Variants in PRKN observed in about 807,000 individuals in gnomAD.
PRKN encodes E3 ubiquitin-protein ligase parkin.
A neutral mutation model predicts 59.5 loss-of-function variants in PRKN; 56 were observed. That is an observed-to-expected ratio of 0.94 (90% CI 0.76 to 1.18). The LOEUF (loss-of-function observed/expected upper bound fraction) is 1.18. Ranked by LOEUF, PRKN falls within the 50% of genes most tolerant of loss-of-function variation. The pLI is 0.00. For missense variants in PRKN, 657 were observed against 596.4 expected, an observed-to-expected ratio of 1.10 and a Z score of -1.06; for synonymous variants, 250 against 222.1, an observed-to-expected ratio of 1.13 and a Z score of -1.12.
chr6:161,789,214 T>C lies in PRKN; in HGVS notation c.735-3306A>G, dbSNP rs545837699. Among the ~76,000 whole-genome samples, 6 of 152,316 alleles carry C rather than the reference T, an allele frequency of 3.9e-5. No homozygotes were observed. In the South Asian group the frequency reaches 8.3e-4, roughly 21 times the overall value. ...AAGGAAAGGAGTAAAAATCTTTTCA[T>C]GGCTAGAAGGTCTACATCATTAACT... On this transcript the variant is annotated intron_variant, in intron 6 of 11. Coordinates refer to ENST00000366898, the MANE Select transcript of PRKN (RefSeq NM_004562.3).
chr6:161,950,387 A>G (rs982421428), intron 6 of PRKN, among the ~76,000 whole-genome samples: 8 of 152,160 alleles, frequency 5.3e-5, no homozygotes, highest in Non-Finnish European at 7.3e-5. Context: ...TCTACAAAAA[A>G]TACAAAAATT....
Position 161,373,270 on chromosome 6 carries a change from C to T in PRKN, c.1168-13065G>A, listed in dbSNP as rs1222870009. Reference sequence around the variant, plus strand: ...GTCTACAAAAATACCTTCACAGCGACACCTTGACTACTGCTGGTTCCAACA... The same window carrying T: ...GTCTACAAAAATACCTTCACAGCGATACCTTGACTACTGCTGGTTCCAACA... On this transcript the variant is annotated intron_variant, in intron 10 of 11. Coordinates refer to ENST00000366898, the MANE Select transcript of PRKN (RefSeq NM_004562.3). This position sits in a 1 kb window ranked among gnomAD's most constrained non-coding sequence, Gnocchi z 4.8. Among the ~76,000 whole-genome samples the T allele has an allele frequency of 6.6e-6, 1 of 152,178 alleles. No homozygotes were observed. Among genetic ancestry groups the T allele is most frequent in the Non-Finnish European group, 1.5e-5 (1 of 68,040 alleles).
At chr6:162,348,421 T>A (rs1193645393) in intron 2 of PRKN, among the ~76,000 whole-genome samples, 33 of 152,058 alleles carry the variant, frequency 2.2e-4, no homozygotes, top group Admixed American at 2.1e-3. Flanking sequence ...ATATCTGATA[T>A]CCAGATATTG....
chr6:162,513,770 C>T (rs761832316), intron 1 of PRKN, among the ~76,000 whole-genome samples: 1 of 151,956 alleles, frequency 6.6e-6, no homozygotes, highest in African/African-American at 2.4e-5. Context: ...GAAAATTAAC[C>T]TCGCTGGGCA....
intron 9 of PRKN, among the ~76,000 whole-genome samples, chr6:161,520,879 A>C (rs1452775879): frequency 6.6e-6 from 1 of 152,234 alleles, no homozygotes; most frequent in Non-Finnish European, 1.5e-5. Flanking sequence ...TGTATCACAG[A>C]TGCTTACCTA....
intron 1 of PRKN, among the ~76,000 whole-genome samples, chr6:162,505,869 G>T (rs912593537): frequency 2.6e-5 from 4 of 152,158 alleles, no homozygotes; most frequent in African/African-American, 4.8e-5. Flanking sequence ...AGTTAGTTTT[G>T]AATATTTCAC....
At chr6:161,583,821 CT>C (rs1781431509) in intron 7 of PRKN, among the ~76,000 whole-genome samples, 1 of 152,162 alleles carries the variant, frequency 6.6e-6, no homozygotes, top group Non-Finnish European at 1.5e-5. Context: ...GGCTACGCAC[CT>C]TTGCAATATC....
At chr6:162,698,025 A>C (rs546495293) in intron 1 of PRKN, among the ~76,000 whole-genome samples, 2 of 152,194 alleles carry the variant, frequency 1.3e-5, no homozygotes, top group Non-Finnish European at 2.9e-5. Flanking sequence ...CAGCAATTAG[A>C]GGAGACTCCT....
chr6:162,077,990 GAC>G (rs1271757274), intron 4 of PRKN, among the ~76,000 whole-genome samples: 1 of 129,096 alleles, frequency 7.7e-6, no homozygotes, highest in Non-Finnish European at 1.6e-5. Flanking sequence ...AACAGAGAGA[GAC>G]TCTCTCTCTA....
Position 161,390,336 on chromosome 6 carries a change from A to T in PRKN, c.1084-3459T>A, listed in dbSNP as rs1231583280. 6.6e-6 allele frequency among the ~76,000 whole-genome samples: 1 copy of T among 152,202 alleles called. No individual in the cohort carries two copies. The highest frequency in any genetic ancestry group is 6.5e-5 in the Admixed American group (1 of 15,286). ...CAGCATGGCTATTGAACACTATGTGATTTATTAACTCAAGGTAGTTCCCAG... is the reference window on the plus strand; with the variant it reads ...CAGCATGGCTATTGAACACTATGTGTTTTATTAACTCAAGGTAGTTCCCAG... On this transcript the variant is annotated intron_variant, in intron 9 of 11. Transcript: ENST00000366898. The surrounding 1 kb of genome is among the most constrained non-coding windows in gnomAD (Gnocchi z 7.0).
intron 7 of PRKN, among the ~76,000 whole-genome samples, chr6:161,754,982 T>C (rs150709847): frequency 7.3e-4 from 111 of 152,338 alleles, no homozygotes; most frequent in African/African-American, 2.5e-3. Context: ...AGGGTGCCAG[T>C]ATCCAGAGAG....
At chr6:161,490,380 T>TC in intron 9 of PRKN, among the ~76,000 whole-genome samples, 5 of 129,330 alleles carry the variant, frequency 3.9e-5, no homozygotes, top group Admixed American at 8.7e-5. Flanking sequence ...TCTCTTTCTT[T>TC]CTTTCCTTTT....
At chr6:161,504,531 T>TTTTTTTA (rs773251743) in intron 9 of PRKN, among the ~76,000 whole-genome samples, 2 of 151,748 alleles carry the variant, frequency 1.3e-5, no homozygotes, top group African/African-American at 4.8e-5. Flanking sequence ...AACTTTCTTT[T>TTTTTTTA]TTATTATTAT....
chr6:162,555,150 C>CTA (rs1439800758), intron 1 of PRKN, among the ~76,000 whole-genome samples: 1 of 151,732 alleles, frequency 6.6e-6, no homozygotes, highest in African/African-American at 2.4e-5. Context: ...TCAATAATGG[C>CTA]TATATATATT....
chr6:162,310,763 A>T (rs867828621), intron 2 of PRKN, among the ~76,000 whole-genome samples: 186 of 150,868 alleles, frequency 1.2e-3, no homozygotes, highest in African/African-American at 4.1e-3. Flanking sequence ...ATATATATAA[A>T]AAAAAGCAGC....
chr6:161,603,761 T>G lies in PRKN; in HGVS notation c.872-34345A>C, dbSNP rs1384292051. On this transcript the variant is annotated intron_variant, in intron 7 of 11. Coordinates refer to ENST00000366898, the MANE Select transcript of PRKN (RefSeq NM_004562.3). ...CCCATGTGGGACAAAATTATTTCCA[T>G]AAGCTCTGGGAATGCCTCACAGAGG... 2.6e-5 allele frequency among the ~76,000 whole-genome samples: 4 copies of G among 152,336 alleles called. No individual in the cohort carries two copies. In the East Asian group the frequency reaches 7.7e-4, roughly 29 times the overall value.
At chr6:162,305,821 A>G (rs970976557) in intron 2 of PRKN, among the ~76,000 whole-genome samples, 1 of 152,122 alleles carries the variant, frequency 6.6e-6, no homozygotes, top group African/African-American at 2.4e-5. Flanking sequence ...TTCTATATCT[A>G]AAACCATATA....
intron 6 of PRKN, among the ~76,000 whole-genome samples, chr6:161,833,199 G>T (rs187195585): frequency 6.6e-6 from 1 of 152,064 alleles, no homozygotes; most frequent in Non-Finnish European, 1.5e-5. Flanking sequence ...CACAGAAAAT[G>T]TCTTATAAAG....
chr6:162,453,517 T>C (rs1270720907), intron 1 of PRKN, among the ~76,000 whole-genome samples: 1 of 152,140 alleles, frequency 6.6e-6, no homozygotes, highest in Non-Finnish European at 1.5e-5. Context: ...TCTGTGTGGG[T>C]TCACAGACTA....
Sources: allele counts gnomAD v4.1 joint callset (sites outside exome capture counted in the v4.1 genomes callset), GRCh38; gene constraint gnomAD v4.1.1; non-coding constraint Gnocchi (gnomAD v3.1); transcripts MANE v1.5; gene names NCBI Gene and HGNC (gene_info 2026-07-23, HGNC 2026-07-21).